The following NXPH1 variants were observed in gnomAD, a reference collection of about 807,000 sequenced individuals.
The protein encoded by NXPH1 is neurexophilin 1.
A neutral mutation model predicts 23.7 loss-of-function variants in NXPH1; 5 were observed. The ratio of observed to expected loss-of-function variants is 0.21; its 90% confidence interval spans 0.11 to 0.44. The LOEUF is 0.44. Ranked by LOEUF, NXPH1 falls within the 20% of genes least tolerant of loss-of-function variation. The pLI, the probability that NXPH1 is intolerant of heterozygous loss-of-function variation, is 0.99. For missense variants in NXPH1, 324 were observed against 321.6 expected (o/e 1.01, Z -0.06); for synonymous variants, 144 against 122.2 (o/e 1.18, Z -1.18).
intron 2 of NXPH1, among the ~76,000 whole-genome samples, chr7:8,548,806 A>T (rs887190092): frequency 2.6e-5 from 4 of 151,540 alleles, no homozygotes; most frequent in Admixed American, 2.0e-4. Context: ...AATTAATATG[A>T]TTAGTAAGTA....
chr7:8,465,061 A>G (rs1008188715), intron 2 of NXPH1, among the ~76,000 whole-genome samples: 3 of 152,370 alleles, frequency 2.0e-5, no homozygotes, highest in East Asian at 1.9e-4. Context: ...TATAGATACC[A>G]GGACTTGGGA....
intron 2 of NXPH1, among the ~76,000 whole-genome samples, chr7:8,599,630 C>G (rs1026978577): frequency 6.6e-6 from 1 of 152,046 alleles, no homozygotes; most frequent in Non-Finnish European, 1.5e-5. Context: ...TTCTTACCTG[C>G]CTGTCAAACA....
chr7:8,628,165 T>C (rs1466637065), intron 2 of NXPH1, among the ~76,000 whole-genome samples: 1 of 152,142 alleles, frequency 6.6e-6, no homozygotes, highest in African/African-American at 2.4e-5. Context: ...AAATAGAGAA[T>C]ATGTGGATTA....
chr7:8,564,321 A>T (rs6952383), intron 2 of NXPH1, among the ~76,000 whole-genome samples: 23,903 of 151,812 alleles, frequency 0.16, 3,188 homozygotes, highest in African/African-American at 0.36. Flanking sequence ...TTCATGCCTA[A>T]TCTAAATAGT....
chr7:8,612,531 G>A (rs944610240), intron 2 of NXPH1, among the ~76,000 whole-genome samples: 6 of 152,012 alleles, frequency 3.9e-5, no homozygotes, highest in African/African-American at 9.7e-5. Flanking sequence ...TGCCAAGAGT[G>A]AATTAATAAG....
chr7:8,665,155 T>C (rs1160550646), intron 2 of NXPH1, among the ~76,000 whole-genome samples: 1 of 152,072 alleles, frequency 6.6e-6, no homozygotes, highest in Non-Finnish European at 1.5e-5. Flanking sequence ...CAGGTTCAGT[T>C]CTTATATTTA....
intron 2 of NXPH1, among the ~76,000 whole-genome samples, chr7:8,633,427 A>G (rs908754353): frequency 2.0e-5 from 3 of 152,242 alleles, no homozygotes; most frequent in Admixed American, 6.5e-5. Context: ...ATCTCAAAAA[A>G]GACATCCTTG....
chr7:8,568,295 A>G (rs1327609519), intron 2 of NXPH1, among the ~76,000 whole-genome samples: 2 of 151,926 alleles, frequency 1.3e-5, no homozygotes, highest in Non-Finnish European at 2.9e-5. Flanking sequence ...CCTCGAATAA[A>G]TAGGCAAACA....
At chr7:8,470,796 A>G (rs543005705) in intron 2 of NXPH1, among the ~76,000 whole-genome samples, 2 of 152,290 alleles carry the variant, frequency 1.3e-5, no homozygotes, top group Non-Finnish European at 2.9e-5. Context: ...CTACTTTTGT[A>G]GCATGTTTTC....
At position 8,642,059 on chromosome 7, in the gene NXPH1, T is replaced by A. The variant is rs573519701; in HGVS notation, c.55-108949T>A. ...GTCATCCTTGGGCTTTCCTTCACCA[T>A]CATTTTGGGAATTCCTTTTACTTCT... On this transcript the variant is annotated intron_variant, in intron 2 of 2. Coordinates refer to ENST00000405863, the MANE Select transcript of NXPH1 (RefSeq NM_152745.3). Among the ~76,000 whole-genome samples the A allele has an allele frequency of 8.5e-4, 130 of 152,292 alleles. 1 individual carries two copies. The highest frequency in any genetic ancestry group is 6.5e-4 in the Non-Finnish European group (44 of 68,022).
chr7:8,529,423 T>C (rs760142512), intron 2 of NXPH1, among the ~76,000 whole-genome samples: 3 of 152,022 alleles, frequency 2.0e-5, no homozygotes, highest in Non-Finnish European at 2.9e-5. Flanking sequence ...AAAGGACATA[T>C]GATTAAGTGT....
intron 2 of NXPH1, among the ~76,000 whole-genome samples, chr7:8,505,402 C>A (rs536391667): frequency 4.6e-5 from 7 of 152,104 alleles, no homozygotes; most frequent in African/African-American, 1.7e-4. Flanking sequence ...CCCAGAGTAG[C>A]CTGACTGGCC....
At chr7:8,637,676 T>C (rs925036161) in intron 2 of NXPH1, among the ~76,000 whole-genome samples, 1 of 152,244 alleles carries the variant, frequency 6.6e-6, no homozygotes, top group Admixed American at 6.5e-5. Flanking sequence ...AAATAAATTT[T>C]AGGCTTTGAG....
At chr7:8,506,228 C>T (rs771560635) in intron 2 of NXPH1, among the ~76,000 whole-genome samples, 17 of 152,036 alleles carry the variant, frequency 1.1e-4, no homozygotes, top group Admixed American at 4.6e-4. Context: ...TTTTTACCTC[C>T]TCTTCCTTGC....
chr7:8,570,174 A>C (rs926805920), intron 2 of NXPH1, among the ~76,000 whole-genome samples: 2 of 151,956 alleles, frequency 1.3e-5, no homozygotes, highest in African/African-American at 2.4e-5. Flanking sequence ...TTTATTTAAA[A>C]AATTGACTCA....
intron 2 of NXPH1, among the ~76,000 whole-genome samples, chr7:8,477,004 C>T (rs572035978): frequency 6.6e-6 from 1 of 152,220 alleles, no homozygotes; most frequent in African/African-American, 2.4e-5. Flanking sequence ...AAGAAGACAC[C>T]TAAGTACAAA....
At chr7:8,521,704 A>G (rs1817774286) in intron 2 of NXPH1, among the ~76,000 whole-genome samples, 1 of 152,220 alleles carries the variant, frequency 6.6e-6, no homozygotes, top group Non-Finnish European at 1.5e-5. Context: ...AGTCTGGCCT[A>G]TTTTGACTGA....
chr7:8,493,786 C>T (rs1817291114), intron 2 of NXPH1, among the ~76,000 whole-genome samples: 1 of 151,938 alleles, frequency 6.6e-6, no homozygotes, highest in Admixed American at 6.6e-5. Context: ...CTGGAAGAAA[C>T]CACTTCTAGT....
chr7:8,535,392 T>C (rs575432828), intron 2 of NXPH1, among the ~76,000 whole-genome samples: 2 of 152,098 alleles, frequency 1.3e-5, no homozygotes, highest in African/African-American at 4.8e-5. Flanking sequence ...CCCTTGATGA[T>C]GTACTTCTGA....
Sources: allele counts gnomAD v4.1 joint callset (sites outside exome capture counted in the v4.1 genomes callset), GRCh38; gene constraint gnomAD v4.1.1; transcripts MANE v1.5; gene names NCBI Gene and HGNC (gene_info 2026-07-23, HGNC 2026-07-21).